Variants in UHRF1 observed in about 807,000 individuals in gnomAD.
The protein encoded by UHRF1 is E3 ubiquitin-protein ligase UHRF1.
Under a neutral mutation model 96.5 loss-of-function variants are expected in UHRF1, and 9 were observed. The observed-to-expected ratio is 0.09, with a 90% CI of 0.06 to 0.16. The LOEUF (loss-of-function observed/expected upper bound fraction) is 0.16. UHRF1 is among the 10% of genes least tolerant of loss of function. The probability of loss-of-function intolerance (pLI) is 1.00; values close to 1 mark genes in which losing one functional copy is unlikely to be tolerated. For synonymous variants in UHRF1, 455 were observed against 469.9 expected (o/e 0.97, Z 0.41); for missense variants, 626 against 1,131.1 (o/e 0.55, Z 6.40).
intron 5 of UHRF1, among the ~76,000 whole-genome samples, chr19:4,938,746 T>TC (rs1157045857): frequency 7.7e-6 from 1 of 130,590 alleles, no homozygotes; most frequent in East Asian, 2.1e-4. Flanking sequence ...TTTTTTTTTT[T>TC]TTTTTTTTTT....
In UHRF1 at chr19:4,958,386, G is replaced by A. The variant is rs192422994; in HGVS notation, c.2235+1573G>A. On this transcript the variant is annotated intron_variant, in intron 16 of 16. Transcript: ENST00000650932. ...GAAGGTCCCGGCTTAGCCTCTGGCA[G>A]GAAGGAGGTGCTCAGGAGGTGGGCA... Among the ~76,000 whole-genome samples, 184 of 152,360 alleles carry A rather than the reference G, an allele frequency of 1.2e-3. 1 individual carries two copies. The highest frequency in any genetic ancestry group is 4.4e-3 in the African/African-American group (182 of 41,588).
chr19:4,957,002 C>G (rs1206986736), intron 16 of UHRF1, among the ~76,000 whole-genome samples, 189 bp downstream of exon 16: 1 of 152,194 alleles, frequency 6.6e-6, no homozygotes, highest in Non-Finnish European at 1.5e-5. Context: ...ATAACATTCT[C>G]CCCCAAGTCC....
At chr19:4,926,586 A>G (rs910046152) in intron 2 of UHRF1, among the ~76,000 whole-genome samples, 1 of 152,042 alleles carries the variant, frequency 6.6e-6, no homozygotes, top group African/African-American at 2.4e-5. Context: ...CAGCTTGGGC[A>G]AAGCAGCAAG....
upstream of UHRF1, among the ~76,000 whole-genome samples, chr19:4,906,468 G>A (rs576611912): frequency 6.6e-6 from 1 of 152,168 alleles, no homozygotes; most frequent in African/African-American, 2.4e-5. Flanking sequence ...AAGAATGCAT[G>A]CCCAGCCAAT....
At chr19:4,915,582 G>A (rs773220110) in intron 2 of UHRF1, among the ~76,000 whole-genome samples, 4 of 152,054 alleles carry the variant, frequency 2.6e-5, no homozygotes, top group East Asian at 1.9e-4. Context: ...ACGTGGTGGC[G>A]CATGTCTGTA....
chr19:4,904,458 C>T (rs887750405), intron 1 of UHRF1, among the ~76,000 whole-genome samples: 4 of 152,144 alleles, frequency 2.6e-5, no homozygotes, highest in East Asian at 1.9e-4. Flanking sequence ...GGATTACAGG[C>T]GTGAGCCACC....
chr19:4,912,261 G>A (rs2032311516), intron 2 of UHRF1, among the ~76,000 whole-genome samples: 1 of 152,188 alleles, frequency 6.6e-6, no homozygotes, highest in African/African-American at 2.4e-5. Flanking sequence ...AGCTCCGCCT[G>A]GCGCTCTCTT....
At chr19:4,939,218 A>ATT (rs35132707) in intron 5 of UHRF1, among the ~76,000 whole-genome samples, 450 of 120,766 alleles carry the variant, frequency 3.7e-3, no homozygotes, top group Non-Finnish European at 4.9e-3. Context: ...GCACCCGGCC[A>ATT]TTTTTTTTTT....
At chr19:4,959,407 A>G (rs1403965564) in intron 16 of UHRF1, among the ~76,000 whole-genome samples, 1 of 152,060 alleles carries the variant, frequency 6.6e-6, no homozygotes, top group Non-Finnish European at 1.5e-5. Flanking sequence ...CCTCTCCCCC[A>G]TGTGGTCACC....
intron 2 of UHRF1, among the ~76,000 whole-genome samples, chr19:4,915,513 A>G (rs1393328071): frequency 6.6e-6 from 1 of 152,176 alleles, no homozygotes; most frequent in Non-Finnish European, 1.5e-5. Context: ...CAGGAGTTCT[A>G]GAACAGCGTG....
chr19:4,945,137 G>A (rs752812578), intron 9 of UHRF1, among the ~76,000 whole-genome samples: 18 of 152,228 alleles, frequency 1.2e-4, no homozygotes, highest in South Asian at 4.1e-4. Flanking sequence ...GCGGCCAGCC[G>A]GGGCCCCATG....
At chr19:4,906,525 G>A (rs1406302761), upstream of UHRF1, among the ~76,000 whole-genome samples, 1 of 152,062 alleles carries the variant, frequency 6.6e-6, no homozygotes, top group Non-Finnish European at 1.5e-5. Flanking sequence ...AAGTCCAGGC[G>A]GGCAGATCAC....
At chr19:4,914,440 G>A (rs2032411804) in intron 2 of UHRF1, among the ~76,000 whole-genome samples, 1 of 152,090 alleles carries the variant, frequency 6.6e-6, no homozygotes, top group African/African-American at 2.4e-5. Flanking sequence ...AGCAGCCCAA[G>A]GTCTGCAGTG....
At chr19:4,956,981 C>T (rs1477588547) in intron 16 of UHRF1, among the ~76,000 whole-genome samples, 168 bp downstream of exon 16, 1 of 152,190 alleles carries the variant, frequency 6.6e-6, no homozygotes, top group Non-Finnish European at 1.5e-5. Flanking sequence ...CCTGTATTAC[C>T]ACGGAGGCCT....
At chr19:4,909,208 G>A (rs1311617449), upstream of UHRF1, 3 of 468,064 alleles carry the variant, frequency 6.4e-6, no homozygotes, top group African/African-American at 6.2e-5. Flanking sequence ...AAGAGTTCAG[G>A]GGGTCTGTAC....
intron 11 of UHRF1, among the ~76,000 whole-genome samples, chr19:4,950,219 T>TA (rs1343592479): frequency 6.6e-6 from 1 of 151,508 alleles, no homozygotes; most frequent in Non-Finnish European, 1.5e-5. Context: ...TTTTATAAAT[T>TA]ATACATATAT....
chr19:4,952,382 C>G (rs1176916681), intron 13 of UHRF1, among the ~76,000 whole-genome samples: 1 of 143,072 alleles, frequency 7.0e-6, no homozygotes, highest in Non-Finnish European at 1.5e-5. Context: ...GCGTAAGCCA[C>G]CGCTCCCAGC....
chr19:4,945,698 G>T (rs1251686957), intron 9 of UHRF1, among the ~76,000 whole-genome samples, 163 bp from the exon 10 acceptor site: 1 of 149,208 alleles, frequency 6.7e-6, no homozygotes, highest in African/African-American at 2.5e-5. Context: ...AACTCCGGCC[G>T]TCTCTAGCCG....
At chr19:4,944,290 TC>T in intron 8 of UHRF1, 35 bp downstream of exon 8, 1 of 1,613,622 alleles carries the variant, frequency 6.2e-7, no homozygotes, top group Non-Finnish European at 8.5e-7. Flanking sequence ...CCGTGGCCCC[TC>T]CCCGCCTGCC....
Sources: allele counts gnomAD v4.1 joint callset (sites outside exome capture counted in the v4.1 genomes callset), GRCh38; gene constraint gnomAD v4.1.1; transcripts MANE v1.5; gene names NCBI Gene and HGNC (gene_info 2026-07-23, HGNC 2026-07-21).